Variants in WWP1 observed in about 807,000 individuals in gnomAD.
WWP1 encodes the protein NEDD4-like E3 ubiquitin-protein ligase WWP1.
Under a neutral mutation model 130.6 loss-of-function variants are expected in WWP1, and 49 were observed. The observed-to-expected ratio is 0.38, with a 90% confidence interval of 0.30 to 0.48. The LOEUF is 0.48. Ranked by LOEUF, WWP1 falls within the 20% of genes least tolerant of loss-of-function variation. The pLI is 0.99. For synonymous variants in WWP1, 332 were observed against 367.8 expected (o/e 0.90, Z 1.11); for missense variants, 809 against 1,100.6 (o/e 0.74, Z 3.75).
intron 1 of WWP1, among the ~76,000 whole-genome samples, chr8:86,354,033 G>C (rs1425049337): frequency 6.6e-6 from 1 of 152,114 alleles, no homozygotes; most frequent in African/African-American, 2.4e-5. Context: ...TGGCTATTTA[G>C]AGCTCGGGCC....
At chr8:86,460,845 T>G (rs1811727455) in intron 22 of WWP1, among the ~76,000 whole-genome samples, 1 of 123,500 alleles carries the variant, frequency 8.1e-6, no homozygotes, top group African/African-American at 3.0e-5. Context: ...AGTCTTGCTC[T>G]GTCGCCCAGG....
chr8:86,456,852 T>C (rs1811474229), intron 21 of WWP1, among the ~76,000 whole-genome samples: 1 of 151,974 alleles, frequency 6.6e-6, no homozygotes. Context: ...AGGATGTGTG[T>C]ATATGTGTAT....
At chr8:86,438,293 A>C (rs1295774777) in intron 16 of WWP1, among the ~76,000 whole-genome samples, 2 of 152,206 alleles carry the variant, frequency 1.3e-5, no homozygotes, top group Non-Finnish European at 2.9e-5. Flanking sequence ...CAGGGGTGGC[A>C]GAGGCTGAAG....
At chr8:86,343,232 C>T (rs1300109714) in intron 1 of WWP1, 1 of 163,694 alleles carries the variant, frequency 6.1e-6, no homozygotes, top group Non-Finnish European at 1.3e-5. Context: ...TCTTAGGCTT[C>T]CTTAGCCTTC....
At chr8:86,362,120 CT>C (rs1399437915) in intron 1 of WWP1, among the ~76,000 whole-genome samples, 6 of 110,518 alleles carry the variant, frequency 5.4e-5, no homozygotes, top group African/African-American at 1.0e-4. Flanking sequence ...TATATATACA[CT>C]AGGCATATGT....
At chr8:86,396,379 G>C (rs1057226359) in intron 5 of WWP1, among the ~76,000 whole-genome samples, 2 of 152,114 alleles carry the variant, frequency 1.3e-5, no homozygotes, top group Non-Finnish European at 2.9e-5. Flanking sequence ...GATTACAGGC[G>C]TGAGCCACTG....
intron 1 of WWP1, among the ~76,000 whole-genome samples, chr8:86,367,556 T>C (rs1201583415): frequency 1.3e-5 from 2 of 152,212 alleles, no homozygotes; most frequent in African/African-American, 4.8e-5. Context: ...TTTTCTGTTC[T>C]TTGCAGTTGA....
intron 1 of WWP1, among the ~76,000 whole-genome samples, chr8:86,349,998 C>T (rs1225644054): frequency 6.6e-6 from 1 of 152,032 alleles, no homozygotes; most frequent in Non-Finnish European, 1.5e-5. Flanking sequence ...CCCCCACGCG[C>T]TCCAAGCCCC....
chr8:86,409,393 C>T (rs1389109233), intron 8 of WWP1, among the ~76,000 whole-genome samples: 2 of 150,426 alleles, frequency 1.3e-5, no homozygotes, highest in African/African-American at 4.9e-5. Flanking sequence ...AACCACCACA[C>T]CCAGCTAATT....
In WWP1 at chr8:86,424,872, G is replaced by A. The variant is rs1234568658; in HGVS notation, c.1062-351G>A. ...GGGGAGGGGGAGGGGGAGGGGAGGG[G>A]AGAGGGAGAGGTTTCTTAATTCTTG... On this transcript the variant is annotated intron_variant, in intron 9 of 24. Transcript: ENST00000517970. 1.5e-5 allele frequency among the ~76,000 whole-genome samples: 2 copies of A among 135,708 alleles called. 1 individual carries two copies. The highest frequency in any genetic ancestry group is 5.4e-4 in the South Asian group (2 of 3,702). The allele number at this position is 135,708 out of a possible 152,430, so 89.0% of individuals were successfully genotyped here. A position where few individuals can be genotyped will look rare whatever the true frequency, so the allele number is the denominator to read the frequency against.
At chr8:86,440,840 C>T (rs1810557155) in intron 17 of WWP1, 1 of 336,566 alleles carries the variant, frequency 3.0e-6, no homozygotes, top group Admixed American at 4.0e-5. Context: ...AGCCTATCCT[C>T]ATGTCACTGT....
intron 18 of WWP1, among the ~76,000 whole-genome samples, chr8:86,446,093 T>C (rs1810859095): frequency 6.6e-6 from 1 of 150,850 alleles, no homozygotes; most frequent in African/African-American, 2.4e-5. Context: ...GCAATTCTCT[T>C]GCCTCAACCT....
intron 24 of WWP1, among the ~76,000 whole-genome samples, chr8:86,466,223 C>G (rs942830961): frequency 1.3e-5 from 2 of 151,970 alleles, no homozygotes; most frequent in African/African-American, 4.8e-5. Context: ...TCAGTTAATA[C>G]CAGAATGGAA....
Position 86,368,705 on chromosome 8 carries a change from C to T in WWP1, c.-114-234C>T, listed in dbSNP as rs552195794. Among the ~76,000 whole-genome samples, 25 of 152,208 alleles carry T rather than the reference C, an allele frequency of 1.6e-4. 1 individual carries two copies. In the South Asian group the frequency reaches 1.9e-3, roughly 11 times the overall value. On this transcript the variant is annotated intron_variant, in intron 1 of 24. Transcript: ENST00000517970. ...GATCACGTTACACTGTCCTTATGTT[C>T]CATTGTCCACTATGCAAGCAGTTCT...
At chr8:86,423,924 G>T (rs1454470515) in intron 9 of WWP1, among the ~76,000 whole-genome samples, 4 of 125,962 alleles carry the variant, frequency 3.2e-5, no homozygotes, top group Admixed American at 7.7e-5. Flanking sequence ...CTCCCAGATG[G>T]GGCGGCTGGC....
At chr8:86,442,338 A>C (rs888829439) in intron 17 of WWP1, 9 of 206,218 alleles carry the variant, frequency 4.4e-5, no homozygotes, top group Non-Finnish European at 9.7e-6. Context: ...AGCTGAATTG[A>C]AGTTGAGGAG....
chr8:86,362,163 C>CAT (rs34231831), intron 1 of WWP1, among the ~76,000 whole-genome samples: 2,868 of 58,800 alleles, frequency 0.049, 214 homozygotes, highest in East Asian at 0.082. Context: ...ATATACAAGG[C>CAT]ATATATATAT....
At chr8:86,423,770 A>G (rs1254121824) in intron 9 of WWP1, among the ~76,000 whole-genome samples, 1 of 151,584 alleles carries the variant, frequency 6.6e-6, no homozygotes, top group Non-Finnish European at 1.5e-5. Flanking sequence ...GGCCGGGCAG[A>G]GGGGCTCCTC....
rs1001584061 is a variant in WWP1 at position 86,374,136 on chromosome 8, A to G, written c.70+16A>G. The G allele has an allele frequency of 2.0e-5, 32 of 1,589,432 alleles. No homozygotes were observed. Among genetic ancestry groups the G allele is most frequent in the Non-Finnish European group, 2.6e-5 (30 of 1,165,400 alleles). On this transcript the variant is annotated intron_variant, in intron 3 of 24. Transcript: ENST00000517970. ...CAGGTAACTGGTAAGTTATTTTTAT[A>G]TTTAATATGGTGATTCCCTGATGAA...
Sources: allele counts gnomAD v4.1 joint callset (sites outside exome capture counted in the v4.1 genomes callset), GRCh38; gene constraint gnomAD v4.1.1; transcripts MANE v1.5; gene names NCBI Gene and HGNC (gene_info 2026-07-23, HGNC 2026-07-21).